The following ZDHHC4 variants were observed in gnomAD, a reference collection of about 807,000 sequenced individuals.
ZDHHC4 encodes the protein palmitoyltransferase ZDHHC4.
ZDHHC4 carries 42 observed loss-of-function variants against 36.7 expected under a neutral mutation model. The observed-to-expected ratio is 1.14, with a 90% CI of 0.89 to 1.48. The LOEUF is 1.48. Among genes scored for constraint, ZDHHC4 ranks in the 40% most tolerant of loss-of-function variants. The pLI, the probability that ZDHHC4 is intolerant of heterozygous loss-of-function variation, is 0.00. For missense variants in ZDHHC4, 457 were observed against 421.5 expected (o/e 1.08, Z -0.74); for synonymous variants, 189 against 166.6 (o/e 1.13, Z -1.03).
chr7:6,578,770 ACTCTCACCTATC>A (rs1562538162), intron 2 of ZDHHC4, 50 bp downstream of exon 2: 1 of 151,914 alleles, frequency 6.6e-6, no homozygotes, highest in African/African-American at 2.4e-5. Context: ...CTGTTTGTTT[ACTCTCACCTATC>A]ATGTCATGAA....
At position 6,582,557 on chromosome 7, in the gene ZDHHC4, G is replaced by A. The variant is rs776498320; in HGVS notation, c.370+306G>A. Among the ~76,000 whole-genome samples, 204 of 152,024 alleles carry A rather than the reference G, an allele frequency of 1.3e-3. 5 individuals are homozygous for A. Among genetic ancestry groups the A allele is most frequent in the Non-Finnish European group, 4.3e-4 (29 of 68,026 alleles). On this transcript the variant is annotated intron_variant, in intron 5 of 7. Coordinates refer to ENST00000335965, the MANE Select transcript of ZDHHC4 (RefSeq NM_001134389.2). ...TCTTAAGACGGAGTCACGCTTTGTCGCCCAGGCTGCAGTGCAGTGAGGCGA... is the reference window on the plus strand; with the variant it reads ...TCTTAAGACGGAGTCACGCTTTGTCACCCAGGCTGCAGTGCAGTGAGGCGA...
At chr7:6,582,029 C>T (rs1562540752) in intron 4 of ZDHHC4, 44 bp from the exon 5 acceptor site, 2 of 1,576,838 alleles carry the variant, frequency 1.3e-6, no homozygotes, top group Non-Finnish European at 8.6e-7. Context: ...ACAATTTCTT[C>T]AAGAAGAAAC....
chr7:6,577,895 C>CG (rs1780547547), intron 1 of ZDHHC4, among the ~76,000 whole-genome samples: 1 of 152,292 alleles, frequency 6.6e-6, no homozygotes, highest in East Asian at 1.9e-4. Context: ...TGCAGTGGCG[C>CG]GATCTCGGCT....
At position 6,582,225 on chromosome 7, in the gene ZDHHC4, T is replaced by C; in HGVS notation, c.344T>C (p.Phe115Ser). The C allele has an allele frequency of 1.2e-6, 2 of 1,614,188 alleles. No individual in the cohort carries two copies. Among genetic ancestry groups the C allele is most frequent in the Non-Finnish European group, 1.7e-6 (2 of 1,180,012 alleles). Residue 115 changes from phenylalanine (F) to serine (S), a missense_variant, in exon 5 of 8, where the codon TTC becomes TCC. By Grantham distance (155) the Phe-to-Ser change is radical. Transcript: ENST00000335965. The part of the protein sequence containing the change: ...YLLLGVNLFF[F>S]TLTCGTNPGI... ...CTGCTAGGTGTAAACCTGTTTTTTT[T>C]CACCCTGACTTGTGGAACCAATCCT...
At chr7:6,587,735 C>T (rs1284544784) in intron 7 of ZDHHC4, among the ~76,000 whole-genome samples, 1 of 152,186 alleles carries the variant, frequency 6.6e-6, no homozygotes, top group East Asian at 1.9e-4. Context: ...TAACTTGTTT[C>T]TTGGCCAGGC....
chr7:6,588,683 C>T lies in ZDHHC4; in HGVS notation c.808C>T (p.Leu270=). The T allele has an allele frequency of 6.2e-7, 1 of 1,614,194 alleles. No homozygotes were observed. The highest frequency in any genetic ancestry group is 1.1e-5 in the South Asian group (1 of 91,084). The change falls in exon 8 of 8, where the codon CTG becomes TTG. Residue 270 remains leucine, a synonymous_variant. Coordinates refer to ENST00000335965, the MANE Select transcript of ZDHHC4 (RefSeq NM_001134389.2). ...CTTTGTCGTGGTTCTGAGCTTCCTC[C>T]TGGGTGGCTACCTGTTGTTTGTCCT... ...LGFVVVLSFL[L]GGYLLFVLYL...
chr7:6,577,584 G>C (rs1583371668), intron 1 of ZDHHC4, 86 bp downstream of exon 1: 4 of 152,344 alleles, frequency 2.6e-5, no homozygotes, highest in South Asian at 2.1e-4. Context: ...TTCCCCTTGT[G>C]TGTAGGGCCG....
Position 6,585,443 on chromosome 7 carries a change from C to G in ZDHHC4, c.741+183C>G, listed in dbSNP as rs1781176337. ...GTTCAGGACCAGCCTGGGCAACACC[C>G]AAATGTCCATCAACTGATGATTGAA... On this transcript the variant is annotated intron_variant, in intron 7 of 7. Coordinates refer to ENST00000335965, the MANE Select transcript of ZDHHC4 (RefSeq NM_001134389.2). 3.3e-5 allele frequency among the ~76,000 whole-genome samples: 5 copies of G among 150,560 alleles called. No individual in the cohort carries two copies. The South Asian group carries it at 1.1e-3, about 32-fold the overall frequency.
intron 5 of ZDHHC4, 50 bp downstream of exon 5, chr7:6,582,301 C>T: frequency 6.6e-7 from 1 of 1,523,424 alleles, no homozygotes; most frequent in Non-Finnish European, 9.0e-7. Flanking sequence ...CACTGTCTTA[C>T]TAATAGTGCT....
At chr7:6,584,635 T>C (rs1257396343) in intron 6 of ZDHHC4, among the ~76,000 whole-genome samples, 3 of 152,048 alleles carry the variant, frequency 2.0e-5, no homozygotes, top group Non-Finnish European at 4.4e-5. Flanking sequence ...TCCTCTCTGT[T>C]TTTTGGTTTG....
chr7:6,588,084 C>T (rs538784397), intron 7 of ZDHHC4, among the ~76,000 whole-genome samples: 94 of 152,232 alleles, frequency 6.2e-4, no homozygotes, highest in African/African-American at 2.2e-3. Context: ...AGGCTGGTGT[C>T]AAACTCCTGA....
Position 6,582,216 on chromosome 7 carries a change from T to C in ZDHHC4, c.335T>C (p.Leu112Pro). Residue 112 changes from leucine to proline, a missense_variant, in exon 5 of 8, where the codon CTG becomes CCG. Coordinates refer to ENST00000335965, the MANE Select transcript of ZDHHC4 (RefSeq NM_001134389.2). ...CCCTATCTGCTGCTAGGTGTAAACC[T>C]GTTTTTTTTCACCCTGACTTGTGGA... ...LLPYLLLGVN[L>P]FFFTLTCGTN... is the part of the protein sequence containing the mutation. 2 of 1,614,070 alleles carry C rather than the reference T, an allele frequency of 1.2e-6. No individual in the cohort carries two copies. Among genetic ancestry groups the C allele is most frequent in the South Asian group, 1.1e-5 (1 of 91,066 alleles).
rs1781500312 is a variant in ZDHHC4 at position 6,589,326 on chromosome 7, G to A, written c.*416G>A. 5.2e-6 allele frequency: 1 copy of A among 190,856 alleles called. No homozygotes were observed. The highest frequency in any genetic ancestry group is 2.3e-5 in the African/African-American group (1 of 43,304). 11.8% of individuals were successfully genotyped at this position (190,856 alleles called of 1,614,324 possible). The stretch of plus-strand genomic sequence containing the variant: ...CTCTATTCTCCTCTCTCCCCCAGGG[G>A]ATTTTCATCTCAACAACAGAGTGTC... On this transcript the variant is annotated 3_prime_UTR_variant, in exon 8 of 8. Transcript: ENST00000335965.
chr7:6,583,187 AAAAG>A, intron 5 of ZDHHC4, 115 bp from the exon 6 acceptor site: 1 of 1,227,170 alleles, frequency 8.1e-7, no homozygotes, highest in South Asian at 1.3e-5. Context: ...CAAAAAAAAA[AAAAG>A]AATTACTTAC....
intron 5 of ZDHHC4, among the ~76,000 whole-genome samples, chr7:6,582,639 TC>T (rs1198473209): frequency 6.6e-6 from 1 of 152,084 alleles, no homozygotes; most frequent in African/African-American, 2.4e-5. Context: ...TGCCTCAGAC[TC>T]CCGAGTAGCT....
At chr7:6,579,873 C>T (rs1477934352) in intron 2 of ZDHHC4, among the ~76,000 whole-genome samples, 4 of 152,158 alleles carry the variant, frequency 2.6e-5, no homozygotes, top group East Asian at 1.9e-4. Context: ...CAGTGGCTCA[C>T]GCCTGTACTC....
rs781558880 is a variant in ZDHHC4, at chr7:6,588,709, G to C, written c.834G>C (p.Leu278=). ...FLLGGYLLFV[L]YLAATNQTTN... ...TGGGTGGCTACCTGTTGTTTGTCCT[G>C]TATCTGGCGGCCACCAACCAGACTA... The change falls in exon 8 of 8, where the codon CTG becomes CTC. Residue 278 remains leucine, a synonymous_variant. Transcript: ENST00000335965. The C allele has an allele frequency of 9.3e-6, 15 of 1,614,216 alleles. No individual in the cohort carries two copies. The highest frequency in any genetic ancestry group is 1.2e-5 in the Non-Finnish European group (14 of 1,180,028).
chr7:6,582,012 G>A, intron 4 of ZDHHC4, 61 bp from the exon 5 acceptor site: 1 of 1,548,140 alleles, frequency 6.5e-7, no homozygotes, highest in South Asian at 1.2e-5. Context: ...ACTTTCTTTA[G>A]TATCATACAA....
At position 6,589,124 on chromosome 7, in the gene ZDHHC4, G is replaced by T. The variant is rs1562548703; in HGVS notation, c.*214G>T. On this transcript the variant is annotated 3_prime_UTR_variant, in exon 8 of 8. Coordinates refer to ENST00000335965, the MANE Select transcript of ZDHHC4 (RefSeq NM_001134389.2). ...ATCTCTGAAGTCCTGGTGTCAAGGG[G>T]ATCAAGAGATGACTTCTCAGAGGTT... The T allele has an allele frequency of 1.2e-5, 7 of 574,256 alleles. No individual in the cohort carries two copies. Among genetic ancestry groups the T allele is most frequent in the Non-Finnish European group, 1.5e-5 (5 of 327,568 alleles). The allele number at this position is 574,256 out of a possible 1,614,324, so 35.6% of individuals were successfully genotyped here.
Sources: allele counts gnomAD v4.1 joint callset (sites outside exome capture counted in the v4.1 genomes callset), GRCh38; gene constraint gnomAD v4.1.1; transcripts MANE v1.5; gene names NCBI Gene and HGNC (gene_info 2026-07-23, HGNC 2026-07-21).